The following C8B variants were observed in gnomAD, a reference collection of about 807,000 sequenced individuals.
C8B encodes complement C8 beta chain, also known as complement component C8 beta chain.
A neutral mutation model predicts 64.6 loss-of-function variants in C8B; 67 were observed. The observed-to-expected ratio is 1.04, with a 90% confidence interval of 0.85 to 1.27. The LOEUF is 1.27. C8B is among the 50% of genes most tolerant of loss of function. The pLI, the probability that C8B is intolerant of heterozygous loss-of-function variation, is 0.00. For missense variants in C8B, 790 were observed against 725.2 expected (o/e 1.09, Z -1.03); for synonymous variants, 284 against 257.7 (o/e 1.10, Z -0.98).
At chr1:56,952,360 C>T (rs1309395374) in intron 4 of C8B, among the ~76,000 whole-genome samples, 180 bp from the exon 5 acceptor site, 1 of 152,200 alleles carries the variant, frequency 6.6e-6, no homozygotes, top group Admixed American at 6.5e-5. Flanking sequence ...GCCACGTGCC[C>T]TAGTCCCCAG....
Position 56,945,816 on chromosome 1 carries a change from T to TA in C8B, c.1105+4dup. Reference sequence around the variant, plus strand: ...AGGAAAGCCATGGTCCCTTGGGCAGTATACCTCCTCTCTCCATGGCCTCTT... The same window carrying TA: ...AGGAAAGCCATGGTCCCTTGGGCAGTAATACCTCCTCTCTCCATGGCCTCTT... On this transcript the variant is annotated splice_donor_region_variant and intron_variant, in intron 7 of 11. Transcript: ENST00000371237. The TA allele has an allele frequency of 6.2e-7, 1 of 1,614,126 alleles. No individual in the cohort carries two copies. The highest frequency in any genetic ancestry group is 8.5e-7 in the Non-Finnish European group (1 of 1,180,010).
chr1:56,940,279 G>A (rs375025789), intron 9 of C8B, among the ~76,000 whole-genome samples: 1 of 151,910 alleles, frequency 6.6e-6, no homozygotes, highest in South Asian at 2.1e-4. Flanking sequence ...TCACTAGAGA[G>A]GCTAGAGGCC....
At chr1:56,950,355 G>T (rs1181334203) in intron 5 of C8B, among the ~76,000 whole-genome samples, 2 of 152,168 alleles carry the variant, frequency 1.3e-5, no homozygotes, top group Non-Finnish European at 2.9e-5. Context: ...GTTGATGAGG[G>T]TCTGGTCTAA....
At chr1:56,943,915 G>C in intron 7 of C8B, 91 bp from the exon 8 acceptor site, 1 of 1,467,172 alleles carries the variant, frequency 6.8e-7, no homozygotes, top group East Asian at 2.3e-5. Flanking sequence ...TAGCCCTGTT[G>C]AATGTCACAA....
In C8B at chr1:56,934,140, C is replaced by CT. The variant is rs57782394; in HGVS notation, c.1399-653dup. ...ATTGCTCCTTTATAGTCAATACTGT[C>CT]TTTTTTTTTTTATGTGCAGGGTCCT... is the stretch of plus-strand genomic sequence containing the variant. On this transcript the variant is annotated intron_variant, in intron 9 of 11. Coordinates refer to ENST00000371237, the MANE Select transcript of C8B (RefSeq NM_000066.4). Among the ~76,000 whole-genome samples the CT allele has an allele frequency of 1.1e-3, 154 of 145,994 alleles. 2 individuals carry two copies. The highest frequency in any genetic ancestry group is 3.6e-3 in the Middle Eastern group (1 of 278).
In C8B at chr1:56,952,028, G is replaced by T; in HGVS notation, c.666+20C>A. ...GTGCTCAGCTGGGGCTCCCTCCACT[G>T]CTACCTGGCTGTCTCTTACCTGTGG... On this transcript the variant is annotated intron_variant, in intron 5 of 11. Coordinates refer to ENST00000371237, the MANE Select transcript of C8B (RefSeq NM_000066.4). 6.2e-7 allele frequency: 1 copy of T among 1,613,408 alleles called. No homozygotes were observed. Among genetic ancestry groups the T allele is most frequent in the Non-Finnish European group, 8.5e-7 (1 of 1,179,954 alleles).
rs188678328 is a variant in C8B at position 56,959,465 on chromosome 1, G to A, written c.249+555C>T. On this transcript the variant is annotated intron_variant, in intron 2 of 11. Transcript: ENST00000371237. ...AGCTTTCTCAAAAGAGGCAGCTCCT[G>A]AGTAGGAGTTTCAAATTGTGAGTAG... 1.3e-5 allele frequency: 13 copies of A among 989,788 alleles called. No individual in the cohort carries two copies. The Admixed American group carries it at 1.6e-4, about 12-fold the overall frequency. The allele number at this position is 989,788 out of a possible 1,614,324, so 61.3% of individuals were successfully genotyped here.
At position 56,954,631 on chromosome 1, in the gene C8B, A is replaced by G; in HGVS notation, c.533+55T>C. The G allele has an allele frequency of 8.7e-6, 14 of 1,608,372 alleles. No individual in the cohort carries two copies. The Admixed American group carries it at 2.3e-4, about 27-fold the overall frequency. ...AGTTCTCTCATTCTCTATCCGCCAG[A>G]ATTCCATTTAATGCTGTGCCTTCCC... is the stretch of plus-strand genomic sequence containing the variant. On this transcript the variant is annotated intron_variant, in intron 4 of 11. Transcript: ENST00000371237.
chr1:56,929,589 C>T (rs758185654), intron 11 of C8B, 31 bp from the exon 12 acceptor site: 6 of 1,608,718 alleles, frequency 3.7e-6, no homozygotes, highest in Non-Finnish European at 5.1e-6. Context: ...AAGCATCAAT[C>T]AGCACTTCTT....
At chr1:56,951,490 A>T (rs2101431706) in intron 5 of C8B, among the ~76,000 whole-genome samples, 1 of 152,288 alleles carries the variant, frequency 6.6e-6, no homozygotes, top group East Asian at 1.9e-4. Context: ...TACATCAATC[A>T]TAATAGGGGC....
At chr1:56,932,384 G>A (rs534190818) in intron 10 of C8B, among the ~76,000 whole-genome samples, 2 of 152,104 alleles carry the variant, frequency 1.3e-5, no homozygotes, top group Admixed American at 1.3e-4. Flanking sequence ...TCCTTACAGG[G>A]TGTCCATCAT....
intron 9 of C8B, among the ~76,000 whole-genome samples, chr1:56,937,493 TC>T (rs1477955592): frequency 6.6e-6 from 1 of 152,186 alleles, no homozygotes; most frequent in African/African-American, 2.4e-5. Flanking sequence ...TTTTTTCCCT[TC>T]TGCCCTGGGC....
At chr1:56,958,594 G>A (rs1645134607) in intron 2 of C8B, among the ~76,000 whole-genome samples, 1 of 151,336 alleles carries the variant, frequency 6.6e-6, no homozygotes, top group South Asian at 2.1e-4. Context: ...TGACTTGAGA[G>A]GCTTTGCTGA....
At chr1:56,962,074 C>G (rs1053856223) in intron 1 of C8B, among the ~76,000 whole-genome samples, 5 of 152,150 alleles carry the variant, frequency 3.3e-5, no homozygotes, top group African/African-American at 1.2e-4. Flanking sequence ...TTTTAGCAAC[C>G]AAGACAACTC....
Position 56,945,903 on chromosome 1 carries a change from C to A in C8B, c.1023G>T (p.Gly341=), listed in dbSNP as rs1644933553. 1.2e-6 allele frequency: 2 copies of A among 1,614,090 alleles called. No homozygotes were observed. Among genetic ancestry groups the A allele is most frequent in the Admixed American group, 3.3e-5 (2 of 60,004 alleles). ...GCACAGCCTCTGTGATGTAGTGGGT[C>A]CCAAAATCACGGAAGAGATCTCTGT... The part of the protein sequence containing the change: ...GEYRDLFRDF[G]THYITEAVLG... Residue 341 remains glycine, a synonymous_variant, in exon 7 of 12, where the codon GGG becomes GGT. Transcript: ENST00000371237.
intron 2 of C8B, among the ~76,000 whole-genome samples, chr1:56,959,298 T>C (rs1027203940): frequency 7.2e-5 from 11 of 152,344 alleles, no homozygotes; most frequent in African/African-American, 2.6e-4. Flanking sequence ...TAAATCAGCC[T>C]TCACAAGTTC....
chr1:56,952,279 C>T, intron 4 of C8B, 99 bp from the exon 5 acceptor site: 1 of 1,539,094 alleles, frequency 6.5e-7, no homozygotes, highest in Non-Finnish European at 8.9e-7. Flanking sequence ...CTCCTTGGCA[C>T]AGCCTTCAAG....
rs1405975889 is a variant in C8B at position 56,943,745 on chromosome 1, A to T, written c.1185T>A (p.Ser395Arg). The change falls in exon 8 of 12, where the codon AGT (serine) becomes AGA (arginine). Residue 395 changes from serine (S) to arginine (R), a missense_variant. Transcript: ENST00000371237. ...TGCATTTGCCTACAGACACACCCAG[A>T]CTGACGTAGACCTCTTCAATGGCAC... The part of the protein sequence containing the change: ...IGGAIEEVYV[S>R]LGVSVGKCRG... 7 of 1,614,128 alleles carry T rather than the reference A, an allele frequency of 4.3e-6. No homozygotes were observed. Among genetic ancestry groups the T allele is most frequent in the Non-Finnish European group, 5.9e-6 (7 of 1,179,990 alleles).
chr1:56,958,298 G>T (rs1645130153), intron 2 of C8B, among the ~76,000 whole-genome samples: 1 of 152,182 alleles, frequency 6.6e-6, no homozygotes, highest in African/African-American at 2.4e-5. Flanking sequence ...GGCAAGCCAG[G>T]ATAGCAGCCC....
Sources: allele counts gnomAD v4.1 joint callset (sites outside exome capture counted in the v4.1 genomes callset), GRCh38; gene constraint gnomAD v4.1.1; transcripts MANE v1.5; gene names NCBI Gene and HGNC (gene_info 2026-07-23, HGNC 2026-07-21).